The following AGO2 variants were observed in gnomAD, a reference collection of about 807,000 sequenced individuals.
AGO2 encodes protein argonaute-2.
In AGO2, 5 loss-of-function variants were observed where a neutral mutation model predicts 102.3. The observed-to-expected ratio is 0.05, with a 90% CI of 0.03 to 0.10. The LOEUF (loss-of-function observed/expected upper bound fraction) is 0.10, where lower values mean the gene tolerates loss of function less well. Ranked by LOEUF, AGO2 falls within the 10% of genes least tolerant of loss-of-function variation. The pLI, the probability that AGO2 is intolerant of heterozygous loss-of-function variation, is 1.00. For synonymous variants in AGO2, 449 were observed against 473.1 expected (o/e 0.95, Z 0.66); for missense variants, 541 against 1,183.7 (o/e 0.46, Z 7.97).
intron 14 of AGO2, among the ~76,000 whole-genome samples, chr8:140,543,128 G>A (rs1216816647): frequency 3.3e-5 from 5 of 151,234 alleles, no homozygotes; most frequent in Non-Finnish European, 7.4e-5. Context: ...CAGTTACTCT[G>A]TCTCACAAAA....
At chr8:140,548,564 G>A (rs1001054282) in intron 12 of AGO2, among the ~76,000 whole-genome samples, 2 of 152,184 alleles carry the variant, frequency 1.3e-5, no homozygotes, top group African/African-American at 4.8e-5. Context: ...GACAGTGTTA[G>A]CAGGATGTCA....
chr8:140,549,429 T>TA lies in AGO2; in HGVS notation c.1404-132dup, dbSNP rs112206993. ...CTTTCATTGAGGTCAAAATTGTTCTTAAAGTCCTGAATGAGGCCAGAATTC... is the reference window on the plus strand; with the variant it reads ...CTTTCATTGAGGTCAAAATTGTTCTTAAAAGTCCTGAATGAGGCCAGAATTC... On this transcript the variant is annotated intron_variant, in intron 11 of 18. Coordinates refer to ENST00000220592, the MANE Select transcript of AGO2 (RefSeq NM_012154.5). 1.3e-3 allele frequency: 1,126 copies of TA among 893,354 alleles called. 11 individuals are homozygous for TA. The African/African-American group carries it at 0.017, about 14-fold the overall frequency. 55.3% of individuals were successfully genotyped at this position (893,354 alleles called of 1,614,324 possible). A position where few individuals can be genotyped will look rare whatever the true frequency, so the allele number is the denominator to read the frequency against.
chr8:140,641,396 A>G, the AGO2 span, among the ~76,000 whole-genome samples: 2 of 152,164 alleles, frequency 1.3e-5, no homozygotes, highest in Non-Finnish European at 2.9e-5. Flanking sequence ...CAAAGAAGCC[A>G]AGTATATAAT....
At chr8:140,597,217 A>T (rs1210979993) in intron 1 of AGO2, among the ~76,000 whole-genome samples, 1 of 152,212 alleles carries the variant, frequency 6.6e-6, no homozygotes, top group Non-Finnish European at 1.5e-5. Context: ...TGCTGGGCTG[A>T]ATCATCTGCA....
chr8:140,634,406 G>T (rs2074376955), intron 1 of AGO2, among the ~76,000 whole-genome samples: 1 of 152,172 alleles, frequency 6.6e-6, no homozygotes, highest in East Asian at 1.9e-4. Flanking sequence ...CCCAGAGCCC[G>T]GCGGGGCCTG....
intron 10 of AGO2, among the ~76,000 whole-genome samples, chr8:140,551,976 G>A (rs2073007466): frequency 6.6e-6 from 1 of 152,168 alleles, no homozygotes; most frequent in Non-Finnish European, 1.5e-5. Context: ...GAGTTAGATG[G>A]AGGATGGATG....
chr8:140,601,266 A>C (rs2073929649), intron 1 of AGO2, among the ~76,000 whole-genome samples: 2 of 152,098 alleles, frequency 1.3e-5, no homozygotes, highest in African/African-American at 4.8e-5. Context: ...CGGTTTGCTC[A>C]CCCACTCACC....
At position 140,586,233 on chromosome 8, in the gene AGO2, C is replaced by G. The variant is rs957572502; in HGVS notation, c.23-922G>C. Among the ~76,000 whole-genome samples the G allele has an allele frequency of 2.0e-5, 3 of 152,244 alleles. No homozygotes were observed. The East Asian group carries it at 5.8e-4, about 29-fold the overall frequency. On this transcript the variant is annotated intron_variant, in intron 1 of 18. Transcript: ENST00000220592. ...TCAGGCTGGGTGCAGTGGCTCACAC[C>G]TATAATCCCAGCACTTTGGGAGGCT...
chr8:140,531,903 T>A lies in AGO2; in HGVS notation c.*141A>T. 1 of 742,400 alleles carries A rather than the reference T, an allele frequency of 1.3e-6. No individual in the cohort carries two copies. The highest frequency in any genetic ancestry group is 2.2e-6 in the Non-Finnish European group (1 of 448,936). 46.0% of individuals were successfully genotyped at this position (742,400 alleles called of 1,614,324 possible). A position where few individuals can be genotyped will look rare whatever the true frequency, so the allele number is the denominator to read the frequency against. Reference sequence around the variant, plus strand: ...TTGAAATCTGGGACGGAAGGCATTCTGGAAAACGGAGAATCTAATAAAATC... The same window carrying A: ...TTGAAATCTGGGACGGAAGGCATTCAGGAAAACGGAGAATCTAATAAAATC... On this transcript the variant is annotated 3_prime_UTR_variant, in exon 19 of 19. Coordinates refer to ENST00000220592, the MANE Select transcript of AGO2 (RefSeq NM_012154.5).
chr8:140,578,787 G>T (rs566394068), intron 2 of AGO2, among the ~76,000 whole-genome samples: 2 of 152,252 alleles, frequency 1.3e-5, no homozygotes, highest in Non-Finnish European at 2.9e-5. Flanking sequence ...TCGCCACCCA[G>T]GGAAAGGGCA....
Position 140,522,410 on chromosome 8 carries a change from T to G in AGO2, c.*9634A>C, listed in dbSNP as rs977615251. 12 of 152,018 alleles carry G rather than the reference T, an allele frequency of 7.9e-5. No individual in the cohort carries two copies. The highest frequency in any genetic ancestry group is 2.4e-4 in the African/African-American group (10 of 41,460). 9.4% of individuals were successfully genotyped at this position (152,018 alleles called of 1,614,324 possible). On this transcript the variant is annotated 3_prime_UTR_variant, in exon 19 of 19. Coordinates refer to ENST00000220592, the MANE Select transcript of AGO2 (RefSeq NM_012154.5). ...AAAACAAAAATCCATTTAAATCATA[T>G]GCAGAAGCGATGACAGGTGGTACTA... is the stretch of plus-strand genomic sequence containing the variant.
At chr8:140,641,936 G>A in the AGO2 span, among the ~76,000 whole-genome samples, 1 of 152,152 alleles carries the variant, frequency 6.6e-6, no homozygotes, top group Non-Finnish European at 1.5e-5. Flanking sequence ...CAGCTAATTG[G>A]GAGGCTGAGG....
At chr8:140,632,946 C>T (rs902849734) in intron 1 of AGO2, among the ~76,000 whole-genome samples, 19 of 150,834 alleles carry the variant, frequency 1.3e-4, no homozygotes, top group Non-Finnish European at 2.8e-4. Flanking sequence ...CCAAGTCTCA[C>T]TCTGTCCCCA....
chr8:140,560,236 C>G, intron 5 of AGO2, 138 bp downstream of exon 5: 2 of 1,313,836 alleles, frequency 1.5e-6, no homozygotes, highest in Non-Finnish European at 2.1e-6. Flanking sequence ...GTGAGACCAG[C>G]CAGGTGTCAC....
chr8:140,612,861 A>T (rs2074098673), intron 1 of AGO2, among the ~76,000 whole-genome samples: 2 of 152,098 alleles, frequency 1.3e-5, no homozygotes, highest in African/African-American at 2.4e-5. Context: ...TTCCAGCTAC[A>T]TAGCTGCATG....
At chr8:140,601,091 GC>G (rs1270984281) in intron 1 of AGO2, among the ~76,000 whole-genome samples, 258 of 152,330 alleles carry the variant, frequency 1.7e-3, no homozygotes, top group Non-Finnish European at 2.5e-3. Context: ...ACCAGGAAGG[GC>G]GACTGGGTCA....
chr8:140,610,136 T>C lies in AGO2; in HGVS notation c.23-24825A>G, dbSNP rs539364044. Among the ~76,000 whole-genome samples, 25 of 151,766 alleles carry C rather than the reference T, an allele frequency of 1.6e-4. No individual in the cohort carries two copies. The East Asian group carries it at 4.5e-3, about 27-fold the overall frequency. On this transcript the variant is annotated intron_variant, in intron 1 of 18. Coordinates refer to ENST00000220592, the MANE Select transcript of AGO2 (RefSeq NM_012154.5). The stretch of plus-strand genomic sequence containing the variant: ...AGGAGGATTGCTTGAGCCAGGGATG[T>C]TGAGGCTGCAGTGGGCTATGATCAG...
chr8:140,555,965 C>T lies in AGO2; in HGVS notation c.1200G>A (p.Met400Ile). 6.2e-7 allele frequency: 1 copy of T among 1,614,228 alleles called. No individual in the cohort carries two copies. Among genetic ancestry groups the T allele is most frequent in the Non-Finnish European group, 8.5e-7 (1 of 1,180,040 alleles). Residue 400 changes from methionine to isoleucine, a missense_variant, in exon 10 of 19, where the codon ATG becomes ATA. By Grantham distance (10) the Met-to-Ile change is conservative. Transcript: ENST00000220592. ...TCACGTCTGTCATCTCATCTTTGACCATGATTCCAAATTCACGGACGTATG... is the reference window on the plus strand; with the variant it reads ...TCACGTCTGTCATCTCATCTTTGACTATGATTCCAAATTCACGGACGTATG... Reference protein sequence around the residue: ...TDPYVREFGIMVKDEMTDVTG... With the variant: ...TDPYVREFGIIVKDEMTDVTG...
Position 140,535,506 on chromosome 8 carries a change from C to T in AGO2, c.2233G>A (p.Glu745Lys). Residue 745 changes from glutamate to lysine, a missense_variant, in exon 17 of 19, where the codon GAG (glutamate) becomes AAG (lysine). Coordinates refer to ENST00000220592, the MANE Select transcript of AGO2 (RefSeq NM_012154.5). The stretch of plus-strand genomic sequence containing the variant: ...TGACTACACAGGTAGAAGTCGAACT[C>T]GGTGGGGTGGGTGATTTTCGTGTCC... ...TVDTKITHPT[E>K]FDFYLCSHAG... 6.2e-7 allele frequency: 1 copy of T among 1,614,218 alleles called. No homozygotes were observed. The highest frequency in any genetic ancestry group is 8.5e-7 in the Non-Finnish European group (1 of 1,180,032).
Sources: allele counts gnomAD v4.1 joint callset (sites outside exome capture counted in the v4.1 genomes callset), GRCh38; gene constraint gnomAD v4.1.1; transcripts MANE v1.5; gene names NCBI Gene and HGNC (gene_info 2026-07-23, HGNC 2026-07-21).